RORA: variants seen among roughly 807,000 people sequenced by gnomAD.
RORA encodes the protein nuclear receptor ROR-alpha.
A neutral mutation model predicts 69.5 loss-of-function variants in RORA; 7 were observed. That is an observed-to-expected ratio of 0.10 (90% CI 0.06 to 0.19). The LOEUF (loss-of-function observed/expected upper bound fraction) is 0.19. Ranked by LOEUF, RORA falls within the 10% of genes least tolerant of loss-of-function variation. RORA has a pLI of 1.00. For missense variants in RORA, 457 were observed against 663.0 expected (o/e 0.69, Z 3.41); for synonymous variants, 261 against 240.8 (o/e 1.08, Z -0.78).
rs147045428 is a variant in RORA at position 60,979,056 on chromosome 15, G to A, written c.166+249997C>T. 1.8e-3 allele frequency among the ~76,000 whole-genome samples: 252 copies of A among 141,520 alleles called. 4 individuals are homozygous for A. In the East Asian group the frequency reaches 0.029, roughly 16 times the overall value. 92.8% of individuals were successfully genotyped at this position (141,520 alleles called of 152,430 possible). A position where few individuals can be genotyped will look rare whatever the true frequency, so the allele number is the denominator to read the frequency against. On this transcript the variant is annotated intron_variant, in intron 1 of 10. Transcript: ENST00000335670. ...AGCTTACTGCAAGCTCTGCCTCCCAGGTTCACACCATTCTCCTGCCTCAGC... is the reference window on the plus strand; with the variant it reads ...AGCTTACTGCAAGCTCTGCCTCCCAAGTTCACACCATTCTCCTGCCTCAGC...
At chr15:60,856,643 A>G (rs2073383779) in intron 1 of RORA, among the ~76,000 whole-genome samples, 1 of 152,242 alleles carries the variant, frequency 6.6e-6, no homozygotes, top group South Asian at 2.1e-4. Flanking sequence ...AAGGGGGAAG[A>G]AAGAGTATGC....
chr15:61,114,847 A>G (rs569733836), intron 1 of RORA, among the ~76,000 whole-genome samples: 1 of 152,340 alleles, frequency 6.6e-6, no homozygotes, highest in Admixed American at 6.5e-5. Context: ...GGGCCTTCGT[A>G]TGTTGGCTCT....
At chr15:61,189,595 C>T (rs1051632406) in intron 1 of RORA, among the ~76,000 whole-genome samples, 4 of 152,078 alleles carry the variant, frequency 2.6e-5, no homozygotes, top group Non-Finnish European at 4.4e-5. Context: ...TGGTGGCTCA[C>T]ACCTGTAATC....
At position 61,128,704 on chromosome 15, in the gene RORA, G is replaced by A. The variant is rs2079164320; in HGVS notation, c.166+100349C>T. ...AATGCTGTGATATCTGTCAGGGAAG[G>A]GGAAATAACTCCTGAATTTCCTCCA... On this transcript the variant is annotated intron_variant, in intron 1 of 10. Coordinates refer to ENST00000335670, the MANE Select transcript of RORA (RefSeq NM_134261.3). The surrounding 1 kb of genome is among the most constrained non-coding windows in gnomAD (Gnocchi z 4.5). Among the ~76,000 whole-genome samples, 1 of 152,178 alleles carries A rather than the reference G, an allele frequency of 6.6e-6. No homozygotes were observed. Among genetic ancestry groups the A allele is most frequent in the Admixed American group, 6.5e-5 (1 of 15,274 alleles).
At chr15:60,950,866 A>G (rs1017609133) in intron 1 of RORA, among the ~76,000 whole-genome samples, 4 of 138,650 alleles carry the variant, frequency 2.9e-5, no homozygotes, top group Admixed American at 7.4e-5. Flanking sequence ...CACTGTCAAC[A>G]TTAGACAGAT....
At chr15:60,893,350 G>A (rs1445939961) in intron 1 of RORA, among the ~76,000 whole-genome samples, 1 of 152,202 alleles carries the variant, frequency 6.6e-6, no homozygotes, top group Non-Finnish European at 1.5e-5. Context: ...GAGGGAATGG[G>A]ATTAGGCTGG....
chr15:61,130,601 G>T (rs2079182028), intron 1 of RORA, among the ~76,000 whole-genome samples: 1 of 152,098 alleles, frequency 6.6e-6, no homozygotes, highest in South Asian at 2.1e-4. Context: ...TAATATATTT[G>T]GGGCTTAATT....
chr15:60,886,027 T>A (rs1293343758), intron 1 of RORA, among the ~76,000 whole-genome samples: 2 of 152,208 alleles, frequency 1.3e-5, no homozygotes, highest in African/African-American at 2.4e-5. Flanking sequence ...ACTTCCCCAC[T>A]GTTTGTCTTG....
chr15:61,181,884 T>G (rs908951218), intron 1 of RORA, among the ~76,000 whole-genome samples: 1 of 152,170 alleles, frequency 6.6e-6, no homozygotes, highest in Non-Finnish European at 1.5e-5. Context: ...CAATCTAATC[T>G]TGTGAAAAGC....
intron 2 of RORA, among the ~76,000 whole-genome samples, chr15:60,667,026 T>C (rs1370350432): frequency 6.6e-6 from 1 of 152,208 alleles, no homozygotes; most frequent in African/African-American, 2.4e-5. Context: ...TCTTTTTTAT[T>C]GTGCAGGAGC....
intron 1 of RORA, among the ~76,000 whole-genome samples, chr15:61,052,905 G>A (rs573009025): frequency 3.3e-4 from 51 of 152,258 alleles, no homozygotes; most frequent in African/African-American, 5.3e-4. Flanking sequence ...GCTGTTCGCC[G>A]GTACAAGATT....
At chr15:60,630,888 C>CTTTTTTTTTTTT (rs542275787) in intron 2 of RORA, among the ~76,000 whole-genome samples, 1,422 of 109,652 alleles carry the variant, frequency 0.013, 44 homozygotes, top group African/African-American at 0.019. Context: ...ATGAGACTTT[C>CTTTTTTTTTTTT]TTTTTTTTTT....
intron 1 of RORA, among the ~76,000 whole-genome samples, chr15:61,136,071 C>T (rs550565595): frequency 5.9e-5 from 9 of 152,186 alleles, no homozygotes; most frequent in African/African-American, 7.2e-5. Flanking sequence ...TTTTAGGTAT[C>T]GACCCTGGTT....
chr15:60,958,678 G>A (rs1002728794), intron 1 of RORA, among the ~76,000 whole-genome samples: 14 of 152,214 alleles, frequency 9.2e-5, no homozygotes, highest in Middle Eastern at 3.4e-3. Flanking sequence ...GAAATAAAAC[G>A]CATGGAAAAT....
chr15:60,941,005 T>C (rs574052962), intron 1 of RORA, among the ~76,000 whole-genome samples: 88 of 152,336 alleles, frequency 5.8e-4, no homozygotes, highest in African/African-American at 2.1e-3. Flanking sequence ...CAAATGGCCA[T>C]GATTTTTCTC....
chr15:61,159,412 C>T (rs2079474795), intron 1 of RORA, among the ~76,000 whole-genome samples: 1 of 152,182 alleles, frequency 6.6e-6, no homozygotes, highest in Admixed American at 6.5e-5. Context: ...TTGTCACCCA[C>T]AGCTAATCCC....
intron 1 of RORA, among the ~76,000 whole-genome samples, chr15:61,003,998 CA>C (rs35500637): frequency 2.8e-4 from 40 of 145,266 alleles, no homozygotes; most frequent in East Asian, 9.9e-4. Context: ...TTTCATGGCC[CA>C]AAAAAAAAAA....
intron 1 of RORA, among the ~76,000 whole-genome samples, chr15:61,143,387 T>C (rs111330781): frequency 2.9e-4 from 44 of 152,276 alleles, no homozygotes; most frequent in African/African-American, 1.0e-3. Flanking sequence ...CTCCCCTAAA[T>C]TTAATGTGAA....
chr15:61,206,914 T>C (rs966243748), intron 1 of RORA, among the ~76,000 whole-genome samples: 2 of 152,212 alleles, frequency 1.3e-5, no homozygotes, highest in African/African-American at 4.8e-5. Context: ...TGTGATGCTC[T>C]AAAGGATCAC....
Sources: allele counts gnomAD v4.1 joint callset (sites outside exome capture counted in the v4.1 genomes callset), GRCh38; gene constraint gnomAD v4.1.1; non-coding constraint Gnocchi (gnomAD v3.1); transcripts MANE v1.5; gene names NCBI Gene and HGNC (gene_info 2026-07-23, HGNC 2026-07-21).